The following SLC29A3 variants were observed in gnomAD, a reference collection of about 807,000 sequenced individuals.
SLC29A3 encodes equilibrative nucleoside transporter 3.
In SLC29A3, 18 loss-of-function variants were observed where a neutral mutation model predicts 25.4. That is an observed-to-expected ratio of 0.71 (90% CI 0.49 to 1.05). SLC29A3 has a LOEUF of 1.05. Among genes scored for constraint, SLC29A3 ranks in the 50% least tolerant of loss-of-function variants. SLC29A3 has a pLI of 0.00. For synonymous variants in SLC29A3, 258 were observed against 267.1 expected, an observed-to-expected ratio of 0.97 and a Z score of 0.33; for missense variants, 586 against 609.0, an observed-to-expected ratio of 0.96 and a Z score of 0.40.
chr10:71,319,522 C>T, intron 1 of SLC29A3: 1 of 419,940 alleles, frequency 2.4e-6, no homozygotes, highest in Non-Finnish European at 4.2e-6. Flanking sequence ...TTCTCTTCCC[C>T]AAATCCTCTC....
chr10:71,331,292 C>T (rs1176121354), intron 2 of SLC29A3, among the ~76,000 whole-genome samples: 2 of 151,958 alleles, frequency 1.3e-5, no homozygotes, highest in Non-Finnish European at 2.9e-5. Context: ...GGAGCAGCAT[C>T]GTGGAGGATG....
intron 2 of SLC29A3, among the ~76,000 whole-genome samples, chr10:71,331,906 T>G (rs1473316847): frequency 1.3e-5 from 2 of 152,172 alleles, no homozygotes; most frequent in East Asian, 3.9e-4. Context: ...CCCGGATTCC[T>G]AGACCCTTCC....
intron 2 of SLC29A3, among the ~76,000 whole-genome samples, chr10:71,341,944 A>G (rs530870923): frequency 2.0e-5 from 3 of 152,314 alleles, no homozygotes; most frequent in East Asian, 3.9e-4. Flanking sequence ...CATGCCAGGT[A>G]GGGTTCCCCA....
intron 3 of SLC29A3, among the ~76,000 whole-genome samples, chr10:71,370,829 T>C (rs933459501): frequency 6.6e-6 from 1 of 152,180 alleles, no homozygotes; most frequent in Non-Finnish European, 1.5e-5. Flanking sequence ...AGGGTACATA[T>C]GATAATTTAA....
intron 2 of SLC29A3, among the ~76,000 whole-genome samples, chr10:71,333,120 C>T (rs1463187071): frequency 6.6e-6 from 1 of 152,206 alleles, no homozygotes; most frequent in Non-Finnish European, 1.5e-5. Context: ...CACAAGTGTC[C>T]AGAGAGCGGA....
intron 3 of SLC29A3, among the ~76,000 whole-genome samples, chr10:71,351,193 T>C (rs1346793369): frequency 6.6e-6 from 1 of 152,206 alleles, no homozygotes; most frequent in Non-Finnish European, 1.5e-5. Flanking sequence ...TTGAACATCC[T>C]GGTGTCCTCG....
intron 2 of SLC29A3, among the ~76,000 whole-genome samples, chr10:71,339,183 G>A (rs1438536718): frequency 2.0e-5 from 3 of 152,116 alleles, no homozygotes; most frequent in African/African-American, 4.8e-5. Flanking sequence ...GCCCTGCCTC[G>A]CCCTCACTGG....
chr10:71,363,554 C>G (rs1847125290), downstream of SLC29A3, among the ~76,000 whole-genome samples: 1 of 142,644 alleles, frequency 7.0e-6, no homozygotes, highest in South Asian at 2.3e-4. Flanking sequence ...GCCTTGAACT[C>G]CTGGGCTCCA....
intron 5 of SLC29A3, among the ~76,000 whole-genome samples, chr10:71,356,671 A>T (rs1846922263): frequency 6.6e-6 from 1 of 152,032 alleles, no homozygotes; most frequent in African/African-American, 2.4e-5. Context: ...TACAAAAAAT[A>T]AAAAATTAGC....
chr10:71,376,888 G>A (rs12773816), intron 4 of SLC29A3, among the ~76,000 whole-genome samples: 65,489 of 151,988 alleles, frequency 0.43, 17,168 homozygotes, highest in Non-Finnish European at 0.58. Flanking sequence ...CTCTGCCTCT[G>A]CCTCAGCCTC....
At chr10:71,319,534 C>T in intron 1 of SLC29A3, 3 of 414,486 alleles carry the variant, frequency 7.2e-6, no homozygotes, top group South Asian at 6.0e-5. Flanking sequence ...AATCCTCTCC[C>T]CTCCTCCTCC....
chr10:71,344,876 T>C (rs1846523991), intron 3 of SLC29A3, among the ~76,000 whole-genome samples: 2 of 152,250 alleles, frequency 1.3e-5, no homozygotes, highest in Admixed American at 1.3e-4. Context: ...TTTGCCTGCA[T>C]TTCTCCTAAG....
intron 5 of SLC29A3, among the ~76,000 whole-genome samples, chr10:71,360,794 T>G (rs548388084): frequency 4.5e-4 from 69 of 152,312 alleles, no homozygotes; most frequent in African/African-American, 1.5e-3. Flanking sequence ...TAAGTGTCCA[T>G]CAGTAGAGGA....
chr10:71,325,681 G>A (rs370789374), intron 2 of SLC29A3, among the ~76,000 whole-genome samples: 8 of 152,188 alleles, frequency 5.3e-5, no homozygotes, highest in Non-Finnish European at 7.4e-5. Context: ...CCACAGGAAC[G>A]CCGCAGAGTA....
At chr10:71,350,461 A>G (rs1846725045) in intron 3 of SLC29A3, among the ~76,000 whole-genome samples, 1 of 151,972 alleles carries the variant, frequency 6.6e-6, no homozygotes, top group African/African-American at 2.4e-5. Flanking sequence ...TACACATCCA[A>G]TCCGGTTTAA....
chr10:71,372,112 G>A (rs982987710), intron 3 of SLC29A3, among the ~76,000 whole-genome samples: 4 of 152,164 alleles, frequency 2.6e-5, no homozygotes, highest in African/African-American at 7.2e-5. Flanking sequence ...GTGGCTTTAG[G>A]CGTGAGTCAG....
At chr10:71,360,131 CTTCTT>C (rs1239844876) in intron 5 of SLC29A3, among the ~76,000 whole-genome samples, 3 of 124,176 alleles carry the variant, frequency 2.4e-5, no homozygotes, top group African/African-American at 9.4e-5. Flanking sequence ...CTGTCTTCTT[CTTCTT>C]TTTTTTTTTT....
Position 71,362,820 on chromosome 10 carries a change from C to T in SLC29A3, c.*212C>T, listed in dbSNP as rs1251942500. 3 of 707,570 alleles carry T rather than the reference C, an allele frequency of 4.2e-6. No homozygotes were observed. Among genetic ancestry groups the T allele is most frequent in the Non-Finnish European group, 5.1e-6 (2 of 393,518 alleles). 43.8% of individuals were successfully genotyped at this position (707,570 alleles called of 1,614,324 possible). A position where few individuals can be genotyped will look rare whatever the true frequency, so the allele number is the denominator to read the frequency against. On this transcript the variant is annotated 3_prime_UTR_variant, in exon 6 of 6. Coordinates refer to ENST00000373189, the MANE Select transcript of SLC29A3 (RefSeq NM_018344.6). ...ATTCCAGTCATATTAACAGAACACT[C>T]CTGAGACAGTTGAAGAAGAAATAGC...
rs909433900 is a variant in SLC29A3, at chr10:71,322,815, A to G, written c.61A>G (p.Ser21Gly). 1 of 1,614,202 alleles carries G rather than the reference A, an allele frequency of 6.2e-7. No homozygotes were observed. Among genetic ancestry groups the G allele is most frequent in the South Asian group, 1.1e-5 (1 of 91,084 alleles). ...HSSNSTYRTT[S>G]SSLRADQEAL... ...TTCAAACTCCACCTACAGAACCACA[A>G]GCAGCAGTCTCCGAGCTGACCAGGA... is the stretch of plus-strand genomic sequence containing the variant. Residue 21 changes from serine (S) to glycine (G), a missense_variant, in exon 2 of 6, where the codon AGC (serine) becomes GGC (glycine). By Grantham distance (56) the Ser-to-Gly change is moderately conservative. Transcript: ENST00000373189.
Sources: gnomAD v4.1 joint callset for allele counts (sites outside exome capture counted in the v4.1 genomes callset) on GRCh38, gnomAD v4.1.1 for gene constraint, MANE v1.5 for transcripts, NCBI Gene and HGNC (gene_info 2026-07-23, HGNC 2026-07-21) for gene names.